Variants in SPATA7 observed in about 807,000 individuals in gnomAD.
SPATA7 encodes spermatogenesis-associated protein 7.
SPATA7 carries 43 observed loss-of-function variants against 51.8 expected under a neutral mutation model. The ratio of observed to expected loss-of-function variants is 0.83; its 90% CI spans 0.65 to 1.07. The LOEUF is 1.07. SPATA7 is among the 50% of genes least tolerant of loss of function. SPATA7 has a pLI of 0.00. For synonymous variants in SPATA7, 230 were observed against 252.8 expected (o/e 0.91, Z 0.86); for missense variants, 683 against 701.3 (o/e 0.97, Z 0.30).
At chr14:88,456,273 G>T (rs1001023906), downstream of SPATA7, among the ~76,000 whole-genome samples, 58 of 152,110 alleles carry the variant, frequency 3.8e-4, no homozygotes, top group Non-Finnish European at 7.4e-4. Flanking sequence ...GATATTTCTA[G>T]TTCTAGATCC....
rs752698812 is a variant in SPATA7 at position 88,438,372 on chromosome 14, A to T, written c.1750A>T (p.Thr584Ser). The change falls in exon 12 of 12, where the codon ACT (threonine) becomes TCT (serine). Residue 584 changes from threonine to serine, a missense_variant. Transcript: ENST00000393545. ...CAATAATCATGACATGGAGTTATCA[A>T]CTCTTAAAATCATGGAAATGAGCAT... ...GDNNHDMELS[T>S]LKIMEMSIED... The T allele has an allele frequency of 1.9e-6, 3 of 1,614,020 alleles. No homozygotes were observed. The highest frequency in any genetic ancestry group is 2.5e-6 in the Non-Finnish European group (3 of 1,179,996).
chr14:88,424,024 A>G (rs577986995), intron 5 of SPATA7, among the ~76,000 whole-genome samples: 53 of 152,352 alleles, frequency 3.5e-4, no homozygotes, highest in South Asian at 6.2e-4. Context: ...CTTTACATAA[A>G]TCTTGAAATC....
chr14:88,455,554 G>A (rs1165864734), downstream of SPATA7, among the ~76,000 whole-genome samples: 3 of 152,074 alleles, frequency 2.0e-5, no homozygotes, highest in African/African-American at 7.2e-5. Flanking sequence ...AACCCTTCAA[G>A]CCTTTTTGCC....
At chr14:88,441,925 T>C (rs750174421), downstream of SPATA7, among the ~76,000 whole-genome samples, 1 of 152,218 alleles carries the variant, frequency 6.6e-6, no homozygotes, top group Non-Finnish European at 1.5e-5. Context: ...TAAGCCAGTG[T>C]CTAGAAAGGC....
At chr14:88,401,532 C>T (rs1031679812) in intron 4 of SPATA7, among the ~76,000 whole-genome samples, 4 of 151,906 alleles carry the variant, frequency 2.6e-5, no homozygotes, top group Non-Finnish European at 5.9e-5. Context: ...AAAAGGCATA[C>T]GAATTAGAAA....
Position 88,469,831 on chromosome 14 carries a change from G to A in SPATA7, c.255-16G>A. The A allele has an allele frequency of 6.2e-7, 1 of 1,601,494 alleles. No homozygotes were observed. Among genetic ancestry groups the A allele is most frequent in the Non-Finnish European group, 8.6e-7 (1 of 1,168,870 alleles). ...TGAAACAGAACCACAACCCTACCCT[G>A]CCTTTTTCTCCACAGGTCAGGATTC... is the stretch of plus-strand genomic sequence containing the variant. On this transcript the variant is annotated splice_polypyrimidine_tract_variant and intron_variant, in intron 4 of 4. Transcript: ENST00000556406. The surrounding 1 kb of genome is among the most constrained non-coding windows in gnomAD (Gnocchi z 4.3).
rs755765600 is a variant in SPATA7 at position 88,416,696 on chromosome 14, TG to T, written c.239-14del. The T allele has an allele frequency of 6.2e-7, 1 of 1,612,514 alleles. No individual in the cohort carries two copies. Among genetic ancestry groups the T allele is most frequent in the East Asian group, 2.2e-5 (1 of 44,722 alleles). ...ATTTTGTTCCATATTTTGAAAGATT[TG>T]TTTTCCCTTTTAGATGCAGACCAAC... On this transcript the variant is annotated splice_polypyrimidine_tract_variant and intron_variant, in intron 4 of 11. Transcript: ENST00000393545.
At chr14:88,466,089 A>T (rs1454812068) in intron 4 of SPATA7, 1 of 152,138 alleles carries the variant, frequency 6.6e-6, no homozygotes, top group Non-Finnish European at 1.5e-5. Flanking sequence ...GGGGAGGGGA[A>T]GAAGCACTTT....
chr14:88,467,990 G>A, intron 4 of SPATA7: 1 of 1,018,122 alleles, frequency 9.8e-7, no homozygotes, highest in Non-Finnish European at 1.5e-6. Context: ...GTTTCCTTCA[G>A]CGTGCCGCCA....
At chr14:88,421,835 G>C (rs2896080) in intron 5 of SPATA7, among the ~76,000 whole-genome samples, 5,346 of 151,874 alleles carry the variant, frequency 0.035, 305 homozygotes, top group African/African-American at 0.12. Context: ...TGTACTCCTA[G>C]CTACTCAGGA....
chr14:88,468,006 A>T (rs2077391328), intron 4 of SPATA7: 2 of 1,174,466 alleles, frequency 1.7e-6, no homozygotes, highest in Non-Finnish European at 2.5e-6. Context: ...CGCCATTCAG[A>T]CTGCGCCACT....
intron 4 of SPATA7, among the ~76,000 whole-genome samples, chr14:88,411,963 G>T (rs1279500524): frequency 6.6e-6 from 1 of 152,108 alleles, no homozygotes; most frequent in Admixed American, 6.5e-5. Flanking sequence ...GCTTTCCTCA[G>T]TGGCTGAACT....
chr14:88,396,250 T>C (rs772573394), intron 4 of SPATA7, 47 bp downstream of exon 4: 1 of 1,321,156 alleles, frequency 7.6e-7, no homozygotes, highest in Non-Finnish European at 1.1e-6. Context: ...AAAATTAAGG[T>C]AAATATACAT....
At chr14:88,427,538 T>C (rs1199466292) in intron 6 of SPATA7, 92 bp from the exon 7 acceptor site, 4 of 828,470 alleles carry the variant, frequency 4.8e-6, no homozygotes, top group Non-Finnish European at 7.9e-6. Flanking sequence ...GGTCTCATTC[T>C]TTTTGAGTTT....
At chr14:88,422,779 T>C (rs1042660238) in intron 5 of SPATA7, among the ~76,000 whole-genome samples, 1 of 151,960 alleles carries the variant, frequency 6.6e-6, no homozygotes, top group Non-Finnish European at 1.5e-5. Context: ...AACTTGCACT[T>C]TGCCTACATT....
rs531248514 is a variant in SPATA7, at chr14:88,391,315, ATTG to A, written c.20-60_20-58del. On this transcript the variant is annotated intron_variant, in intron 1 of 11. Coordinates refer to ENST00000393545, the MANE Select transcript of SPATA7 (RefSeq NM_018418.5). ...ATTTATTATTTAAAAAATATTGAAT[ATTG>A]TTGTTTTTGTAAAAGTTGTGTTTCA... 7.3e-5 allele frequency: 90 copies of A among 1,233,444 alleles called. 2 individuals carry two copies. The African/African-American group carries it at 9.7e-4, about 13-fold the overall frequency. The allele number at this position is 1,233,444 out of a possible 1,614,324, so 76.4% of individuals were successfully genotyped here.
intron 1 of SPATA7, among the ~76,000 whole-genome samples, chr14:88,389,090 AAAAAAC>A (rs775995762): frequency 1.6e-4 from 24 of 152,152 alleles, no homozygotes; most frequent in Non-Finnish European, 3.1e-4. Context: ...AAGTCATGCA[AAAAAAC>A]AAAAACAAAA....
intron 5 of SPATA7, among the ~76,000 whole-genome samples, chr14:88,421,402 G>T (rs948211867): frequency 2.6e-5 from 4 of 152,130 alleles, no homozygotes; most frequent in African/African-American, 9.7e-5. Flanking sequence ...CTGGGCAAAA[G>T]CCAGATTGAC....
chr14:88,467,189 T>A (rs980967751), intron 4 of SPATA7: 4 of 149,732 alleles, frequency 2.7e-5, no homozygotes, highest in Non-Finnish European at 5.9e-5. Context: ...TCTTAGTCCT[T>A]AATCTCTCCC....
Sources: allele counts gnomAD v4.1 joint callset (sites outside exome capture counted in the v4.1 genomes callset), GRCh38; gene constraint gnomAD v4.1.1; non-coding constraint Gnocchi (gnomAD v3.1); transcripts MANE v1.5; gene names NCBI Gene and HGNC (gene_info 2026-07-23, HGNC 2026-07-21).